Variants in NKAIN2 observed in about 807,000 individuals in gnomAD.
NKAIN2 encodes the protein sodium/potassium transporting ATPase interacting 2.
A neutral mutation model predicts 32.6 loss-of-function variants in NKAIN2; 14 were observed. That is an observed-to-expected ratio of 0.43 (90% CI 0.28 to 0.67). NKAIN2 has a LOEUF of 0.67. Ranked by LOEUF, NKAIN2 falls within the 30% of genes least tolerant of loss-of-function variation. The pLI is 0.17. For synonymous variants in NKAIN2, 80 were observed against 87.2 expected, an observed-to-expected ratio of 0.92 and a Z score of 0.46; for missense variants, 198 against 258.3, an observed-to-expected ratio of 0.77 and a Z score of 1.60.
intron 3 of NKAIN2, among the ~76,000 whole-genome samples, chr6:124,496,570 A>G (rs1265767100): frequency 2.6e-5 from 4 of 152,110 alleles, no homozygotes; most frequent in Non-Finnish European, 5.9e-5. Flanking sequence ...GTTCTAGCCC[A>G]GAGCAGTGTG....
At chr6:124,596,795 T>C (rs891735911) in intron 3 of NKAIN2, among the ~76,000 whole-genome samples, 2 of 151,846 alleles carry the variant, frequency 1.3e-5, no homozygotes, top group African/African-American at 4.8e-5. Context: ...ATATAAGAGA[T>C]TTATTATAAG....
chr6:124,611,834 C>A lies in NKAIN2; in HGVS notation c.274-46352C>A, dbSNP rs1025453136. ...AAGTGTGACTCCGCCTTGAGGTATA[C>A]ATGTCGGCTAGACCAGACCTGCCAC... On this transcript the variant is annotated intron_variant, in intron 3 of 6. Transcript: ENST00000368417. 2.6e-5 allele frequency among the ~76,000 whole-genome samples: 4 copies of A among 152,142 alleles called. 1 individual carries two copies. Among genetic ancestry groups the A allele is most frequent in the Non-Finnish European group, 5.9e-5 (4 of 68,022 alleles).
intron 1 of NKAIN2, among the ~76,000 whole-genome samples, chr6:124,139,079 ATT>A (rs900247440): frequency 3.0e-5 from 3 of 99,470 alleles, no homozygotes; most frequent in African/African-American, 1.3e-4. Flanking sequence ...TTAAATAAAA[ATT>A]TTTTTTTTTT....
At position 124,084,681 on chromosome 6, in the gene NKAIN2, C is replaced by T. The variant is rs138556999; in HGVS notation, c.55-198324C>T. ...AAAAAGGGAAAACACGCTCCATCTA[C>T]TTGTAGAAAACAAGTCTTAGAGATC... On this transcript the variant is annotated intron_variant, in intron 1 of 6. Coordinates refer to ENST00000368417, the MANE Select transcript of NKAIN2 (RefSeq NM_001040214.3). Among the ~76,000 whole-genome samples the T allele has an allele frequency of 7.7e-3, 1,164 of 152,060 alleles. 19 individuals are homozygous for T. Among genetic ancestry groups the T allele is most frequent in the African/African-American group, 0.026 (1,084 of 41,514 alleles).
intron 3 of NKAIN2, among the ~76,000 whole-genome samples, chr6:124,472,634 G>A (rs1327478561): frequency 6.6e-6 from 1 of 151,698 alleles, no homozygotes; most frequent in Non-Finnish European, 1.5e-5. Flanking sequence ...AATGATACAC[G>A]CTTGAACAAA....
At chr6:124,750,229 C>G (rs1042963396) in intron 4 of NKAIN2, among the ~76,000 whole-genome samples, 1 of 151,872 alleles carries the variant, frequency 6.6e-6, no homozygotes, top group Non-Finnish European at 1.5e-5. Context: ...TATTCTTTTG[C>G]CCTAGAGAAC....
At chr6:124,267,556 G>A (rs1794559351) in intron 1 of NKAIN2, among the ~76,000 whole-genome samples, 1 of 150,104 alleles carries the variant, frequency 6.7e-6, no homozygotes, top group African/African-American at 2.5e-5. Flanking sequence ...AGAATCACTT[G>A]AATGCTCTAG....
intron 3 of NKAIN2, among the ~76,000 whole-genome samples, chr6:124,399,427 A>G (rs1306206992): frequency 6.6e-6 from 1 of 152,176 alleles, no homozygotes; most frequent in Admixed American, 6.5e-5. Flanking sequence ...GGGCCCCACA[A>G]CATCTACAGG....
intron 3 of NKAIN2, among the ~76,000 whole-genome samples, chr6:124,453,355 A>ACACG (rs374682596): frequency 0.13 from 17,094 of 136,540 alleles, 2,049 homozygotes; most frequent in East Asian, 0.24. Context: ...ACACACACAC[A>ACACG]CACACACACA....
chr6:123,996,054 G>A (rs1186069987), intron 1 of NKAIN2, among the ~76,000 whole-genome samples: 1 of 152,088 alleles, frequency 6.6e-6, no homozygotes, highest in East Asian at 1.9e-4. Flanking sequence ...ATCTAGGTAT[G>A]AAGTCTAAAA....
intron 1 of NKAIN2, among the ~76,000 whole-genome samples, chr6:124,132,891 T>A (rs905100986): frequency 2.0e-5 from 3 of 152,100 alleles, no homozygotes; most frequent in Non-Finnish European, 4.4e-5. Flanking sequence ...GGGAGCCCCA[T>A]CTCTAGGGGA....
chr6:124,613,242 T>G (rs1782757106), intron 3 of NKAIN2, among the ~76,000 whole-genome samples: 2 of 152,166 alleles, frequency 1.3e-5, no homozygotes, highest in Non-Finnish European at 2.9e-5. Flanking sequence ...GCTGAATACA[T>G]CAGGTTATCT....
intron 3 of NKAIN2, among the ~76,000 whole-genome samples, chr6:124,519,345 G>A (rs1779038976): frequency 6.6e-6 from 1 of 152,162 alleles, no homozygotes; most frequent in African/African-American, 2.4e-5. Flanking sequence ...GTTCCAGGCT[G>A]ACCATCAATG....
intron 1 of NKAIN2, among the ~76,000 whole-genome samples, chr6:124,252,120 A>G (rs1206182948): frequency 1.3e-5 from 2 of 152,072 alleles, no homozygotes; most frequent in East Asian, 3.9e-4. Context: ...GTGTGCAGGT[A>G]TGTGCTCATG....
intron 2 of NKAIN2, among the ~76,000 whole-genome samples, chr6:124,296,586 T>G (rs1247867764): frequency 6.6e-6 from 1 of 152,114 alleles, no homozygotes; most frequent in African/African-American, 2.4e-5. Flanking sequence ...GAAAACCAGA[T>G]TATAGATGTT....
chr6:123,875,553 G>A (rs991915087), intron 1 of NKAIN2, among the ~76,000 whole-genome samples: 6 of 151,800 alleles, frequency 4.0e-5, no homozygotes, highest in African/African-American at 4.8e-5. Context: ...GGTAGGTATC[G>A]TACTCATATT....
intron 1 of NKAIN2, among the ~76,000 whole-genome samples, chr6:123,853,418 A>C (rs1775431739): frequency 6.6e-6 from 1 of 152,208 alleles, no homozygotes; most frequent in Non-Finnish European, 1.5e-5. Flanking sequence ...ATGTAATATT[A>C]ATAAAAAAGC....
chr6:123,867,999 G>A (rs1398161894), intron 1 of NKAIN2, among the ~76,000 whole-genome samples: 5 of 151,858 alleles, frequency 3.3e-5, no homozygotes, highest in Non-Finnish European at 7.4e-5. Flanking sequence ...CTCCCGAGTA[G>A]CTGGGACTAC....
At chr6:124,019,308 T>G (rs1477943682) in intron 1 of NKAIN2, among the ~76,000 whole-genome samples, 1 of 152,164 alleles carries the variant, frequency 6.6e-6, no homozygotes, top group Non-Finnish European at 1.5e-5. Flanking sequence ...ATGTTAATAT[T>G]CCTGCATTTA....
Sources: gnomAD v4.1 joint callset for allele counts (sites outside exome capture counted in the v4.1 genomes callset) on GRCh38, gnomAD v4.1.1 for gene constraint, MANE v1.5 for transcripts, NCBI Gene and HGNC (gene_info 2026-07-23, HGNC 2026-07-21) for gene names.